The following GALNT13 variants were observed in gnomAD, a reference collection of about 807,000 sequenced individuals.
The protein encoded by GALNT13 is polypeptide N-acetylgalactosaminyltransferase 13, also known as UDP-GalNAc:polypeptide N-acetylgalactosaminyltransferase 13.
Under a neutral mutation model 64.2 loss-of-function variants are expected in GALNT13, and 28 were observed. The observed-to-expected ratio is 0.44, with a 90% CI of 0.32 to 0.60. GALNT13 has a LOEUF of 0.60. Ranked by LOEUF, GALNT13 falls within the 20% of genes least tolerant of loss-of-function variation. The pLI, the probability that GALNT13 is intolerant of heterozygous loss-of-function variation, is 0.05. For missense variants in GALNT13, 577 were observed against 669.8 expected, an observed-to-expected ratio of 0.86 and a Z score of 1.53; for synonymous variants, 214 against 224.6, an observed-to-expected ratio of 0.95 and a Z score of 0.42.
the GALNT13 span, among the ~76,000 whole-genome samples, chr2:153,641,461 C>T: frequency 1.2e-4 from 19 of 152,226 alleles, no homozygotes; most frequent in African/African-American, 4.6e-4. Context: ...AAAGGTGTTG[C>T]TTCCTTTAAC....
the GALNT13 span, among the ~76,000 whole-genome samples, chr2:153,495,721 A>G: frequency 6.6e-6 from 1 of 152,100 alleles, no homozygotes; most frequent in East Asian, 1.9e-4. Context: ...CTATCATATC[A>G]AAACACAGAA....
chr2:153,845,782 GGGT>G, the GALNT13 span, among the ~76,000 whole-genome samples: 34,324 of 151,862 alleles, frequency 0.23, 4,211 homozygotes, highest in Non-Finnish European at 0.27. Context: ...AAATGAAGCA[GGGT>G]AAATGTAAAG....
chr2:154,076,760 A>G (rs1701009725), intron 3 of GALNT13, among the ~76,000 whole-genome samples: 1 of 151,670 alleles, frequency 6.6e-6, no homozygotes, highest in African/African-American at 2.4e-5. Context: ...AATTTTATAA[A>G]ACATTATACT....
chr2:153,998,586 C>G (rs900127783), intron 3 of GALNT13, among the ~76,000 whole-genome samples: 1 of 152,100 alleles, frequency 6.6e-6, no homozygotes, highest in African/African-American at 2.4e-5. Context: ...TTTACCCATT[C>G]TGTAGGTTGC....
rs78927593 is a variant in GALNT13 at position 154,292,003 on chromosome 2, C to T, written c.976-9406C>T. ...AAAAGTTGGCACTTTATGTGTCGTA[C>T]AAGCAAGCCCCTTACCCCTCAGGAA... On this transcript the variant is annotated intron_variant, in intron 8 of 12. Coordinates refer to ENST00000392825, the MANE Select transcript of GALNT13 (RefSeq NM_052917.4). Among the ~76,000 whole-genome samples the T allele has an allele frequency of 2.7e-3, 409 of 152,314 alleles. 20 individuals carry two copies. The East Asian group carries it at 0.065, about 24-fold the overall frequency.
At chr2:154,171,979 C>T (rs1435028604) in intron 4 of GALNT13, among the ~76,000 whole-genome samples, 1 of 141,758 alleles carries the variant, frequency 7.1e-6, no homozygotes, top group Non-Finnish European at 1.5e-5. Flanking sequence ...CATACACACA[C>T]ACACACACAC....
At chr2:154,021,417 A>G (rs1479441838) in intron 3 of GALNT13, among the ~76,000 whole-genome samples, 3 of 152,156 alleles carry the variant, frequency 2.0e-5, no homozygotes, top group African/African-American at 7.2e-5. Flanking sequence ...GGTCCTTCAC[A>G]TCCCTTGTAA....
the GALNT13 span, among the ~76,000 whole-genome samples, chr2:153,541,445 C>T: frequency 6.6e-6 from 1 of 152,156 alleles, no homozygotes; most frequent in South Asian, 2.1e-4. Context: ...CCTCCTGTCT[C>T]TCATTTCTCT....
the GALNT13 span, among the ~76,000 whole-genome samples, chr2:153,206,987 G>T: frequency 6.6e-6 from 1 of 151,806 alleles, no homozygotes; most frequent in Admixed American, 6.6e-5. Flanking sequence ...ATTTTAATAT[G>T]TACTTCTAAA....
the GALNT13 span, among the ~76,000 whole-genome samples, chr2:153,351,018 T>G: frequency 6.6e-6 from 1 of 152,178 alleles, no homozygotes; most frequent in Non-Finnish European, 1.5e-5. Flanking sequence ...TGATGATTTG[T>G]AGGTTTTAAG....
rs1203420179 is a variant in GALNT13 at position 153,939,494 on chromosome 2, A to C, written c.-104-4900A>C. The stretch of plus-strand genomic sequence containing the variant: ...CCTTTAAAAGGGAGGTACAATTTAC[A>C]TTGAGTGAAATGCACTGATCTTAAG... On this transcript the variant is annotated intron_variant, in intron 2 of 12. Coordinates refer to ENST00000392825, the MANE Select transcript of GALNT13 (RefSeq NM_052917.4). 2.0e-5 allele frequency among the ~76,000 whole-genome samples: 3 copies of C among 152,210 alleles called. 1 individual carries two copies. The highest frequency in any genetic ancestry group is 7.2e-5 in the African/African-American group (3 of 41,458).
At chr2:154,181,558 A>G (rs1264358305) in intron 4 of GALNT13, among the ~76,000 whole-genome samples, 1 of 152,068 alleles carries the variant, frequency 6.6e-6, no homozygotes, top group Non-Finnish European at 1.5e-5. Context: ...TTTTTGAAAA[A>G]CAAGTTTGAT....
the GALNT13 span, among the ~76,000 whole-genome samples, chr2:153,804,494 G>A: frequency 1.3e-5 from 2 of 152,086 alleles, no homozygotes; most frequent in Non-Finnish European, 1.5e-5. Context: ...TTCTAACAAA[G>A]GGGAATGAGT....
the GALNT13 span, among the ~76,000 whole-genome samples, chr2:153,748,625 AT>A: frequency 1.3e-5 from 2 of 151,828 alleles, no homozygotes; most frequent in African/African-American, 2.4e-5. Flanking sequence ...GGATTATTAG[AT>A]TTTTTTCTAT....
the GALNT13 span, among the ~76,000 whole-genome samples, chr2:153,146,614 C>T: frequency 6.6e-6 from 1 of 151,872 alleles, no homozygotes; most frequent in East Asian, 1.9e-4. Flanking sequence ...GGCATCTGTT[C>T]TTTCTGTCCC....
At chr2:154,133,085 C>G (rs532771645) in intron 3 of GALNT13, among the ~76,000 whole-genome samples, 1 of 152,010 alleles carries the variant, frequency 6.6e-6, no homozygotes, top group African/African-American at 2.4e-5. Flanking sequence ...ATATAACCTT[C>G]CATCTAAACT....
At chr2:153,811,028 G>A in the GALNT13 span, among the ~76,000 whole-genome samples, 2 of 152,110 alleles carry the variant, frequency 1.3e-5, no homozygotes, top group Non-Finnish European at 2.9e-5. Flanking sequence ...TGCAGATAAT[G>A]CCCCTATTAC....
chr2:153,718,489 G>A, the GALNT13 span, among the ~76,000 whole-genome samples: 1 of 151,510 alleles, frequency 6.6e-6, no homozygotes, highest in Non-Finnish European at 1.5e-5. Context: ...ACATTAGGAC[G>A]CCTTTAAACT....
intron 12 of GALNT13, chr2:154,441,949 T>A (rs1701318835): frequency 6.6e-6 from 1 of 152,178 alleles, no homozygotes; most frequent in South Asian, 2.1e-4. Flanking sequence ...AATGCCTCGT[T>A]TAAGTTTGCA....
Sources: gnomAD v4.1 joint callset for allele counts (sites outside exome capture counted in the v4.1 genomes callset) on GRCh38, gnomAD v4.1.1 for gene constraint, MANE v1.5 for transcripts, NCBI Gene and HGNC (gene_info 2026-07-23, HGNC 2026-07-21) for gene names.